SPATS1: variants seen among roughly 807,000 people sequenced by gnomAD.
SPATS1 encodes spermatogenesis-associated serine-rich protein 1.
SPATS1 carries 23 observed loss-of-function variants against 33.6 expected under a neutral mutation model. That is an observed-to-expected ratio of 0.68 (90% confidence interval 0.49 to 0.97). The LOEUF (loss-of-function observed/expected upper bound fraction) is 0.97. Ranked by LOEUF, SPATS1 falls within the 50% of genes least tolerant of loss-of-function variation. The pLI, the probability that SPATS1 is intolerant of heterozygous loss-of-function variation, is 0.00. For synonymous variants in SPATS1, 131 were observed against 125.6 expected, an observed-to-expected ratio of 1.04 and a Z score of -0.29; for missense variants, 327 against 361.0, an observed-to-expected ratio of 0.91 and a Z score of 0.76.
chr6:44,375,449 A>G (rs766400124), intron 7 of SPATS1, among the ~76,000 whole-genome samples: 9 of 152,302 alleles, frequency 5.9e-5, no homozygotes, highest in Non-Finnish European at 1.0e-4. Flanking sequence ...GGAACTAGGT[A>G]AGAAATGCCC....
intron 3 of SPATS1, among the ~76,000 whole-genome samples, chr6:44,358,542 GATTT>G (rs1788724324): frequency 6.6e-6 from 1 of 152,006 alleles, no homozygotes; most frequent in Non-Finnish European, 1.5e-5. Flanking sequence ...TTTGGTAACA[GATTT>G]ATTTAAACAT....
intron 3 of SPATS1, among the ~76,000 whole-genome samples, chr6:44,354,216 C>G (rs1788427007): frequency 6.6e-6 from 1 of 151,594 alleles, no homozygotes; most frequent in Admixed American, 6.6e-5. Context: ...CACCTGTAAT[C>G]CTGGCTATTC....
chr6:44,365,527 T>C (rs1789192046), intron 5 of SPATS1, among the ~76,000 whole-genome samples: 1 of 152,206 alleles, frequency 6.6e-6, no homozygotes, highest in Non-Finnish European at 1.5e-5. Flanking sequence ...CTGTCTGCTT[T>C]TATCTGTGAC....
intron 2 of SPATS1, among the ~76,000 whole-genome samples, chr6:44,345,994 T>A (rs564428426): frequency 6.6e-6 from 1 of 152,242 alleles, no homozygotes. Context: ...GGTTCTTCAA[T>A]TATTTGGATG....
intron 2 of SPATS1, among the ~76,000 whole-genome samples, chr6:44,347,177 G>A (rs1040856155): frequency 2.0e-5 from 3 of 152,104 alleles, no homozygotes; most frequent in Non-Finnish European, 2.9e-5. Flanking sequence ...TGAACAATGA[G>A]AACACATGGA....
chr6:44,346,627 A>G (rs980800588), intron 2 of SPATS1, among the ~76,000 whole-genome samples: 1 of 152,142 alleles, frequency 6.6e-6, no homozygotes, highest in Admixed American at 6.5e-5. Context: ...CAAGCAGTCT[A>G]CCTGCCGCAG....
At chr6:44,345,103 C>T (rs994662003) in intron 2 of SPATS1, among the ~76,000 whole-genome samples, 6 of 151,970 alleles carry the variant, frequency 3.9e-5, no homozygotes, top group African/African-American at 1.2e-4. Context: ...TTAGTATTAG[C>T]GTCAGTATTA....
intron 5 of SPATS1, 100 bp from the exon 6 acceptor site, chr6:44,368,279 T>C: frequency 8.5e-7 from 1 of 1,172,018 alleles, no homozygotes; most frequent in Non-Finnish European, 1.2e-6. Context: ...TATAATAAAA[T>C]ACTAAAATAT....
At chr6:44,369,708 C>T (rs942377135) in intron 6 of SPATS1, among the ~76,000 whole-genome samples, 1 of 151,484 alleles carries the variant, frequency 6.6e-6, no homozygotes, top group Non-Finnish European at 1.5e-5. Context: ...CCCTTCTCTA[C>T]AAAAATACAA....
chr6:44,378,252 G>A lies in SPATS1; in HGVS notation c.*1189G>A, dbSNP rs2153371286. 6.6e-6 allele frequency: 1 copy of A among 152,040 alleles called. No homozygotes were observed. Among genetic ancestry groups the A allele is most frequent in the South Asian group, 2.1e-4 (1 of 4,810 alleles). 9.4% of individuals were successfully genotyped at this position (152,040 alleles called of 1,614,324 possible). Reference sequence around the variant, plus strand: ...AAGCTGCCTCACAGGCTTTGACACAGTCAAACTAGTGACTCACGGCATTTT... The same window carrying A: ...AAGCTGCCTCACAGGCTTTGACACAATCAAACTAGTGACTCACGGCATTTT... On this transcript the variant is annotated 3_prime_UTR_variant, in exon 9 of 9. Transcript: ENST00000674044.
At chr6:44,343,419 A>G (rs1787683328) in intron 2 of SPATS1, 185 bp downstream of exon 2, 1 of 713,856 alleles carries the variant, frequency 1.4e-6, no homozygotes, top group Non-Finnish European at 2.5e-6. Flanking sequence ...TTAGGCAGAG[A>G]GCACCACCAA....
chr6:44,349,580 G>A (rs887651084), intron 2 of SPATS1, among the ~76,000 whole-genome samples: 1 of 152,128 alleles, frequency 6.6e-6, no homozygotes, highest in Non-Finnish European at 1.5e-5. Flanking sequence ...AGTGATAAAA[G>A]CATGTATCAT....
intron 7 of SPATS1, among the ~76,000 whole-genome samples, chr6:44,372,586 C>G (rs930318321): frequency 6.6e-6 from 1 of 152,034 alleles, no homozygotes; most frequent in South Asian, 2.1e-4. Context: ...CTCAGCCTCC[C>G]GAGTGGCTGG....
intron 2 of SPATS1, chr6:44,343,631 A>G (rs1431321086): frequency 2.6e-6 from 1 of 391,590 alleles, no homozygotes; most frequent in African/African-American, 2.1e-5. Context: ...CTTTGCTCAG[A>G]TATTAGTAGG....
chr6:44,373,944 T>C (rs917893033), intron 7 of SPATS1, among the ~76,000 whole-genome samples: 28 of 152,316 alleles, frequency 1.8e-4, no homozygotes, highest in African/African-American at 6.7e-4. Context: ...TCATTGTCTA[T>C]TGTGGGGAGA....
At chr6:44,349,023 C>A (rs972832177) in intron 2 of SPATS1, among the ~76,000 whole-genome samples, 1 of 152,044 alleles carries the variant, frequency 6.6e-6, no homozygotes, top group African/African-American at 2.4e-5. Flanking sequence ...CCCAGCTACT[C>A]GGGAGGCTGA....
At chr6:44,343,524 G>A (rs1787692791) in intron 2 of SPATS1, 5 of 522,174 alleles carry the variant, frequency 9.6e-6, no homozygotes, top group Admixed American at 6.8e-5. Context: ...GACCTGCCCA[G>A]TGCTTGGGTT....
intron 2 of SPATS1, among the ~76,000 whole-genome samples, chr6:44,350,017 C>T (rs546132807): frequency 1.3e-5 from 2 of 152,176 alleles, no homozygotes; most frequent in Non-Finnish European, 2.9e-5. Context: ...TGCCTGCCAC[C>T]TCCCCTGGGC....
chr6:44,343,092 A>T lies in SPATS1; in HGVS notation c.1-4A>T, dbSNP rs373023494. Reference sequence around the variant, plus strand: ...TCTAATATTTAAAATCATCATGGGCACAGATGAGTCCATCCATGCTCACTG... The same window carrying T: ...TCTAATATTTAAAATCATCATGGGCTCAGATGAGTCCATCCATGCTCACTG... On this transcript the variant is annotated splice_region_variant and splice_polypyrimidine_tract_variant and intron_variant, in intron 1 of 8. Transcript: ENST00000674044. The T allele has an allele frequency of 3.2e-5, 52 of 1,613,944 alleles. No homozygotes were observed. The highest frequency in any genetic ancestry group is 4.3e-5 in the Non-Finnish European group (51 of 1,180,000).
Sources: allele counts gnomAD v4.1 joint callset (sites outside exome capture counted in the v4.1 genomes callset), GRCh38; gene constraint gnomAD v4.1.1; transcripts MANE v1.5; gene names NCBI Gene and HGNC (gene_info 2026-07-23, HGNC 2026-07-21).